The following MELK variants were observed in gnomAD, a reference collection of about 807,000 sequenced individuals.
The protein encoded by MELK is maternal embryonic leucine zipper kinase.
In MELK, 81 loss-of-function variants were observed where a neutral mutation model predicts 85.0. The observed-to-expected ratio is 0.95, with a 90% confidence interval of 0.80 to 1.15. MELK has a LOEUF of 1.15. MELK is among the 50% of genes most tolerant of loss of function. The probability of loss-of-function intolerance (pLI) is 0.00; values close to 1 mark genes in which losing one functional copy is unlikely to be tolerated. For missense variants in MELK, 754 were observed against 777.5 expected, an observed-to-expected ratio of 0.97 and a Z score of 0.36; for synonymous variants, 252 against 265.0, an observed-to-expected ratio of 0.95 and a Z score of 0.48.
At chr9:36,605,971 A>G (rs1587404073) in intron 7 of MELK, among the ~76,000 whole-genome samples, 2 of 150,998 alleles carry the variant, frequency 1.3e-5, no homozygotes, top group Non-Finnish European at 3.0e-5. Flanking sequence ...AAAAAAAAAA[A>G]TTTCCTAAGG....
chr9:36,650,811 G>T (rs1021304675), intron 11 of MELK, among the ~76,000 whole-genome samples: 3 of 152,184 alleles, frequency 2.0e-5, no homozygotes, highest in African/African-American at 7.2e-5. Context: ...CTGAGAAGCC[G>T]GTCCAGAGTG....
chr9:36,670,954 G>A (rs764362325), intron 15 of MELK, 44 bp from the exon 16 acceptor site: 47 of 1,556,848 alleles, frequency 3.0e-5, no homozygotes, highest in East Asian at 4.6e-5. Context: ...CCCACAGGCC[G>A]GAGGCCCAGC....
At chr9:36,656,495 C>G (rs1313117271) in intron 12 of MELK, among the ~76,000 whole-genome samples, 4 of 152,328 alleles carry the variant, frequency 2.6e-5, no homozygotes, top group South Asian at 2.1e-4. Context: ...GTCTCCTATT[C>G]ATTTTTGTTT....
At chr9:36,654,936 T>C (rs1831080356) in intron 12 of MELK, among the ~76,000 whole-genome samples, 2 of 152,194 alleles carry the variant, frequency 1.3e-5, no homozygotes, top group Admixed American at 1.3e-4. Flanking sequence ...ATAGTCTGGT[T>C]GTACTGTTCT....
intron 5 of MELK, among the ~76,000 whole-genome samples, chr9:36,596,691 G>C (rs1251065780): frequency 6.7e-6 from 1 of 149,394 alleles, no homozygotes; most frequent in East Asian, 2.0e-4. Context: ...GGCTCAAGCA[G>C]TTCTTTTGCC....
At chr9:36,636,360 G>T (rs1829138743) in intron 10 of MELK, among the ~76,000 whole-genome samples, 1 of 151,928 alleles carries the variant, frequency 6.6e-6, no homozygotes, top group South Asian at 2.1e-4. Context: ...AAATCAGCTG[G>T]GCGTGGTGGT....
At chr9:36,586,517 T>C (rs1178075826) in intron 3 of MELK, among the ~76,000 whole-genome samples, 2 of 152,208 alleles carry the variant, frequency 1.3e-5, no homozygotes, top group African/African-American at 2.4e-5. Flanking sequence ...TTTTTTGTTT[T>C]ATTCAATTTT....
At chr9:36,585,120 G>A (rs746324849) in intron 3 of MELK, among the ~76,000 whole-genome samples, 15 of 152,018 alleles carry the variant, frequency 9.9e-5, no homozygotes, top group Non-Finnish European at 2.1e-4. Flanking sequence ...AGGGGGAACA[G>A]CTTGTTATCT....
chr9:36,625,419 G>C (rs1029861452), intron 8 of MELK, among the ~76,000 whole-genome samples: 3 of 152,134 alleles, frequency 2.0e-5, no homozygotes, highest in African/African-American at 7.2e-5. Context: ...ATACGAGAGT[G>C]GGGCCAAGTA....
At chr9:36,674,490 T>A (rs1446122549) in intron 16 of MELK, among the ~76,000 whole-genome samples, 1 of 152,196 alleles carries the variant, frequency 6.6e-6, no homozygotes, top group Non-Finnish European at 1.5e-5. Flanking sequence ...TCAGGACTGT[T>A]AATGTCTCTT....
chr9:36,677,301 AT>A lies in MELK; in HGVS notation c.1922del (p.Leu641Ter). On this transcript the variant is annotated frameshift_variant, in exon 18 of 18. Transcript: ENST00000298048. LOFTEE classifies it high-confidence loss of function. The stretch of plus-strand genomic sequence containing the variant: ...AGGGCGATGCCTGGGTTTACAAAAG[AT>A]TAGTGGAAGACATCCTATCTAGCTG... ...LKGDAWVYKR[L>X]VEDILSSCKV 6.2e-7 allele frequency: 1 copy of A among 1,613,824 alleles called. No individual in the cohort carries two copies. Among genetic ancestry groups the A allele is most frequent in the Non-Finnish European group, 8.5e-7 (1 of 1,179,860 alleles).
chr9:36,596,474 G>T (rs1227113145), intron 5 of MELK, among the ~76,000 whole-genome samples: 1 of 151,112 alleles, frequency 6.6e-6, no homozygotes, highest in Non-Finnish European at 1.5e-5. Flanking sequence ...AGCCAGGATG[G>T]TCTTGATCTC....
At chr9:36,676,640 A>G (rs1458107474) in intron 17 of MELK, among the ~76,000 whole-genome samples, 1 of 152,212 alleles carries the variant, frequency 6.6e-6, no homozygotes, top group Non-Finnish European at 1.5e-5. Flanking sequence ...GATGATCGTC[A>G]TAAGAGGTTA....
chr9:36,608,877 C>A (rs1233020772), intron 8 of MELK, among the ~76,000 whole-genome samples: 2 of 152,182 alleles, frequency 1.3e-5, no homozygotes, highest in African/African-American at 2.4e-5. Context: ...GCCACCGCAC[C>A]CGGCCCAATA....
chr9:36,663,500 T>G (rs914199130), intron 13 of MELK, among the ~76,000 whole-genome samples: 3 of 152,190 alleles, frequency 2.0e-5, no homozygotes, highest in Non-Finnish European at 2.9e-5. Flanking sequence ...TCGCACCCCT[T>G]AAGTAATTTC....
At position 36,597,249 on chromosome 9, in the gene MELK, A is replaced by C. The variant is rs773390114; in HGVS notation, c.433A>C (p.Lys145Gln). 7 of 1,613,808 alleles carry C rather than the reference A, an allele frequency of 4.3e-6. No homozygotes were observed. The South Asian group carries it at 7.7e-5, about 18-fold the overall frequency. ...PENLLFDEYHKLKLIDFGLCA... is the reference protein window; with the variant it reads ...PENLLFDEYHQLKLIDFGLCA... Reference sequence around the variant, plus strand: ...AAATTTGCTGTTTGATGAATATCATAAATTAAAGCTGATTGACTTTGGTCT... The same window carrying C: ...AAATTTGCTGTTTGATGAATATCATCAATTAAAGCTGATTGACTTTGGTCT... The change falls in exon 6 of 18, where the codon AAA (lysine) becomes CAA (glutamine). Residue 145 changes from lysine (K) to glutamine (Q), a missense_variant. Transcript: ENST00000298048.
chr9:36,631,020 G>T (rs568322163), intron 9 of MELK, among the ~76,000 whole-genome samples: 59 of 149,492 alleles, frequency 3.9e-4, no homozygotes, highest in African/African-American at 1.4e-3. Context: ...CTGGAGTGCA[G>T]TGGCGTGATC....
intron 11 of MELK, among the ~76,000 whole-genome samples, chr9:36,649,282 C>T (rs545030325): frequency 2.0e-5 from 3 of 151,788 alleles, no homozygotes; most frequent in East Asian, 1.9e-4. Flanking sequence ...GTCAGGAGAT[C>T]GAGACCATCC....
chr9:36,674,633 T>C (rs1035688068), intron 16 of MELK, among the ~76,000 whole-genome samples: 1 of 152,232 alleles, frequency 6.6e-6, no homozygotes, highest in Non-Finnish European at 1.5e-5. Flanking sequence ...GTGTGTTTAC[T>C]AATAACCATA....
Sources: gnomAD v4.1 joint callset for allele counts (sites outside exome capture counted in the v4.1 genomes callset) on GRCh38, gnomAD v4.1.1 for gene constraint, MANE v1.5 for transcripts, NCBI Gene and HGNC (gene_info 2026-07-23, HGNC 2026-07-21) for gene names.